The following CNTN3 variants were observed in gnomAD, a reference collection of about 807,000 sequenced individuals.
CNTN3 encodes contactin-3.
CNTN3 carries 60 observed loss-of-function variants against 119.1 expected under a neutral mutation model. That is an observed-to-expected ratio of 0.50 (90% CI 0.41 to 0.62). CNTN3 has a LOEUF of 0.62. CNTN3 is among the 20% of genes least tolerant of loss of function. CNTN3 has a pLI of 0.00. For missense variants in CNTN3, 1,101 were observed against 1,242.4 expected (o/e 0.89, Z 1.71); for synonymous variants, 450 against 438.7 (o/e 1.03, Z -0.32).
intron 14 of CNTN3, 124 bp from the exon 15 acceptor site, chr3:74,301,929 C>G: frequency 9.4e-7 from 1 of 1,060,366 alleles, no homozygotes; most frequent in Non-Finnish European, 1.4e-6. Context: ...TTCAGAAGCA[C>G]TTAGGGAAAA....
intron 1 of CNTN3, among the ~76,000 whole-genome samples, chr3:74,579,036 C>T (rs1411349261): frequency 6.6e-6 from 1 of 151,458 alleles, no homozygotes; most frequent in African/African-American, 2.4e-5. Flanking sequence ...ATATGGGTGA[C>T]AGATGTCTTG....
chr3:74,311,656 TAAAG>T (rs1460339335), intron 13 of CNTN3, among the ~76,000 whole-genome samples: 2 of 152,186 alleles, frequency 1.3e-5, no homozygotes. Flanking sequence ...TCCATCTCAA[TAAAG>T]AGACAAGTAA....
At chr3:74,396,648 A>G (rs551936992) in intron 5 of CNTN3, among the ~76,000 whole-genome samples, 2 of 148,790 alleles carry the variant, frequency 1.3e-5, no homozygotes, top group Non-Finnish European at 3.0e-5. Context: ...GGGGAGGCTG[A>G]GGCAGGAGAA....
At chr3:74,363,283 G>C (rs1039535138) in intron 10 of CNTN3, among the ~76,000 whole-genome samples, 8 of 152,172 alleles carry the variant, frequency 5.3e-5, no homozygotes, top group South Asian at 2.1e-4. Context: ...CACTAGAGAT[G>C]AGAGAGCCCA....
At chr3:74,326,993 T>C (rs1703147644) in intron 13 of CNTN3, among the ~76,000 whole-genome samples, 1 of 152,120 alleles carries the variant, frequency 6.6e-6, no homozygotes. Flanking sequence ...TTATTTTTAT[T>C]GAATGTCATC....
At chr3:74,315,262 C>A (rs186923690) in intron 13 of CNTN3, among the ~76,000 whole-genome samples, 2 of 152,270 alleles carry the variant, frequency 1.3e-5, no homozygotes, top group Admixed American at 1.3e-4. Flanking sequence ...TAATCCATCC[C>A]TTGTTTAGCA....
chr3:74,501,073 G>A (rs1703158561), intron 2 of CNTN3, among the ~76,000 whole-genome samples: 1 of 151,856 alleles, frequency 6.6e-6, no homozygotes, highest in Non-Finnish European at 1.5e-5. Flanking sequence ...TTTGCCCTCA[G>A]CTTCCAGGAG....
At chr3:74,389,800 T>C (rs970703593) in intron 5 of CNTN3, among the ~76,000 whole-genome samples, 2 of 152,108 alleles carry the variant, frequency 1.3e-5, no homozygotes, top group Non-Finnish European at 2.9e-5. Context: ...GCCATTATTG[T>C]CCCCTTCTCC....
intron 4 of CNTN3, among the ~76,000 whole-genome samples, chr3:74,471,580 C>T (rs555303650): frequency 6.6e-6 from 1 of 152,246 alleles, no homozygotes; most frequent in South Asian, 2.1e-4. Flanking sequence ...GTTTATGGGC[C>T]TCTAAAGTGC....
intron 13 of CNTN3, among the ~76,000 whole-genome samples, chr3:74,308,031 C>G (rs1308553003): frequency 2.0e-5 from 3 of 152,118 alleles, no homozygotes; most frequent in African/African-American, 4.8e-5. Context: ...TAAATCATCT[C>G]CAGGTGCCTT....
In CNTN3 at chr3:74,502,557, C is replaced by T. The variant is rs558308839; in HGVS notation, c.56-2772G>A. 5.3e-5 allele frequency among the ~76,000 whole-genome samples: 8 copies of T among 152,264 alleles called. No homozygotes were observed. In the South Asian group the frequency reaches 8.3e-4, roughly 16 times the overall value. On this transcript the variant is annotated intron_variant, in intron 2 of 22. Transcript: ENST00000263665. ...GCCAGGCACACTAAGCAGCTATTTA[C>T]ATCCTTTGCTTCTCCTATTTCAATC...
At chr3:74,278,686 A>G (rs1434550402) in intron 20 of CNTN3, among the ~76,000 whole-genome samples, 1 of 152,200 alleles carries the variant, frequency 6.6e-6, no homozygotes, top group Non-Finnish European at 1.5e-5. Context: ...ACGCTTCTCA[A>G]CATTAGCTTA....
intron 13 of CNTN3, among the ~76,000 whole-genome samples, chr3:74,325,639 C>A (rs1163649789): frequency 6.6e-6 from 1 of 152,270 alleles, no homozygotes; most frequent in Admixed American, 6.5e-5. Context: ...ACTACCACTA[C>A]TGCTGGCAGT....
At chr3:74,288,616 C>T (rs954740273) in intron 19 of CNTN3, among the ~76,000 whole-genome samples, 4 of 152,142 alleles carry the variant, frequency 2.6e-5, no homozygotes, top group African/African-American at 9.7e-5. Context: ...AAGACTGATT[C>T]CTCCAAAATA....
intron 5 of CNTN3, among the ~76,000 whole-genome samples, chr3:74,374,757 A>T (rs1417190351): frequency 5.3e-5 from 8 of 152,190 alleles, no homozygotes; most frequent in African/African-American, 1.9e-4. Flanking sequence ...AAACCTTCAT[A>T]TAAAATTTGA....
At chr3:74,413,071 C>T (rs1421129835) in intron 5 of CNTN3, among the ~76,000 whole-genome samples, 1 of 152,092 alleles carries the variant, frequency 6.6e-6, no homozygotes, top group Non-Finnish European at 1.5e-5. Context: ...CAGCACTGGC[C>T]ATTAACAGTT....
At position 74,371,412 on chromosome 3, in the gene CNTN3, T is replaced by C. The variant is rs778112854; in HGVS notation, c.455-13A>G. The C allele has an allele frequency of 2.2e-5, 35 of 1,596,818 alleles. No individual in the cohort carries two copies. The highest frequency in any genetic ancestry group is 3.0e-5 in the Non-Finnish European group (35 of 1,165,122). ...GCATATGACAGTTCTAATAAAATTG[T>C]TGAAGAGAGAAAGAAATTCCATCAT... On this transcript the variant is annotated splice_polypyrimidine_tract_variant and intron_variant, in intron 5 of 22. Coordinates refer to ENST00000263665, the MANE Select transcript of CNTN3 (RefSeq NM_020872.3).
chr3:74,611,626 T>A (rs1190268509), intron 1 of CNTN3, among the ~76,000 whole-genome samples: 1 of 152,202 alleles, frequency 6.6e-6, no homozygotes, highest in African/African-American at 2.4e-5. Context: ...CGTGGCCCCA[T>A]ATTCTCTTGC....
At chr3:74,448,437 T>C (rs1702087292) in intron 4 of CNTN3, among the ~76,000 whole-genome samples, 1 of 152,170 alleles carries the variant, frequency 6.6e-6, no homozygotes, top group South Asian at 2.1e-4. Flanking sequence ...TTCTCCAAAA[T>C]GTGTATTGTA....
Sources: allele counts gnomAD v4.1 joint callset (sites outside exome capture counted in the v4.1 genomes callset), GRCh38; gene constraint gnomAD v4.1.1; transcripts MANE v1.5; gene names NCBI Gene and HGNC (gene_info 2026-07-23, HGNC 2026-07-21).